The following ITFG2 variants were observed in gnomAD, a reference collection of about 807,000 sequenced individuals.
ITFG2 encodes the protein integrin alpha FG-GAP repeat containing 2.
In ITFG2, 36 loss-of-function variants were observed where a neutral mutation model predicts 54.4. The observed-to-expected ratio is 0.66, with a 90% CI of 0.51 to 0.87. The LOEUF is 0.87. ITFG2 is among the 40% of genes least tolerant of loss of function. ITFG2 has a pLI of 0.00. For missense variants in ITFG2, 524 were observed against 576.7 expected (o/e 0.91, Z 0.94); for synonymous variants, 211 against 225.4 (o/e 0.94, Z 0.57).
chr12:2,827,939 C>T (rs770140984), downstream of ITFG2: 62 of 1,613,982 alleles, frequency 3.8e-5, no homozygotes, highest in Admixed American at 3.7e-4. This position sits in a 1 kb window ranked among gnomAD's most constrained non-coding sequence, Gnocchi z 4.0. Flanking sequence ...CCACCTGTGC[C>T]GAGCACACCA....
intron 2 of ITFG2, among the ~76,000 whole-genome samples, chr12:2,851,455 G>GC (rs2098070644): frequency 6.6e-6 from 1 of 152,036 alleles, no homozygotes; most frequent in African/African-American, 2.4e-5. Context: ...CGATTCTCCT[G>GC]CCTCAGCCTC....
rs769703735 is a variant in ITFG2, at chr12:2,845,367, A to T, written n.300+4372A>T. ...CAACCCTGGCAGGGCATGACTGGCA[A>T]CGTGGGTGGCCCTGTATGGTCCCCC... On this transcript the variant is annotated intron_variant and non_coding_transcript_variant, in intron 2 of 3. Coordinates refer to the ITFG2 transcript ENST00000537710. The surrounding 1 kb of genome is among the most constrained non-coding windows in gnomAD (Gnocchi z 4.2). Among the ~76,000 whole-genome samples, 1 of 152,146 alleles carries T rather than the reference A, an allele frequency of 6.6e-6. No homozygotes were observed. Among genetic ancestry groups the T allele is most frequent in the Non-Finnish European group, 1.5e-5 (1 of 68,028 alleles).
At chr12:2,853,503 C>T (rs1433991549) in intron 2 of ITFG2, among the ~76,000 whole-genome samples, 1 of 152,150 alleles carries the variant, frequency 6.6e-6, no homozygotes, top group Non-Finnish European at 1.5e-5. Context: ...GAACTCCTGA[C>T]CTCAGGCGAT....
At position 2,851,163 on chromosome 12, in the gene ITFG2, GA is replaced by G. The variant is rs538610845; in HGVS notation, n.301-6838del. Reference sequence around the variant, plus strand: ...GGGCGACAAGAGCGAAACTCCATCTGAAAAAAAAAAATTAAAGATTTAAAGA... The same window carrying G: ...GGGCGACAAGAGCGAAACTCCATCTGAAAAAAAAAATTAAAGATTTAAAGA... On this transcript the variant is annotated intron_variant and non_coding_transcript_variant, in intron 2 of 3. Coordinates refer to the ITFG2 transcript ENST00000537710. Among the ~76,000 whole-genome samples the G allele has an allele frequency of 1.4e-3, 206 of 143,830 alleles. 1 individual carries two copies. The highest frequency in any genetic ancestry group is 7.2e-3 in the Middle Eastern group (2 of 276). 94.4% of individuals were successfully genotyped at this position (143,830 alleles called of 152,430 possible). A position where few individuals can be genotyped will look rare whatever the true frequency, so the allele number is the denominator to read the frequency against.
At chr12:2,848,399 A>T (rs1052424956) in intron 2 of ITFG2, among the ~76,000 whole-genome samples, 1 of 152,088 alleles carries the variant, frequency 6.6e-6, no homozygotes, top group Non-Finnish European at 1.5e-5. Context: ...GCCTGCCTCT[A>T]CTTTACCCCT....
At chr12:2,815,119 C>T (rs959950474) in intron 1 of ITFG2, among the ~76,000 whole-genome samples, 9 of 152,146 alleles carry the variant, frequency 5.9e-5, no homozygotes, top group African/African-American at 1.4e-4. Context: ...GCTGGGATTA[C>T]AGGCGTGAGC....
At chr12:2,822,965 G>A (rs2097950719) in intron 10 of ITFG2, 54 bp downstream of exon 10, 2 of 1,344,336 alleles carry the variant, frequency 1.5e-6, no homozygotes, top group South Asian at 1.2e-5. Flanking sequence ...AGATAGGCGT[G>A]TTAGGCATGC....
chr12:2,818,517 G>C, intron 4 of ITFG2: 1 of 639,820 alleles, frequency 1.6e-6, no homozygotes, highest in Non-Finnish European at 2.5e-6. Flanking sequence ...AACAATATAG[G>C]CTAGGTGTGC....
intron 2 of ITFG2, among the ~76,000 whole-genome samples, chr12:2,851,099 A>G (rs2098069453): frequency 6.8e-6 from 1 of 147,086 alleles, no homozygotes; most frequent in Non-Finnish European, 1.5e-5. Flanking sequence ...CCCAGGAGGC[A>G]GTGAGCAGTG....
intron 2 of ITFG2, 76 bp downstream of exon 2, chr12:2,817,394 C>A: frequency 3.1e-6 from 3 of 952,942 alleles, no homozygotes; most frequent in Non-Finnish European, 4.9e-6. Context: ...GTGAGCCCCA[C>A]ACAGGTGCTC....
chr12:2,859,199 G>T, intron 3 of ITFG2: 1 of 1,611,646 alleles, frequency 6.2e-7, no homozygotes. Flanking sequence ...AGTCTGCTGG[G>T]AACGGGAGCT....
intron 2 of ITFG2, chr12:2,848,985 T>G: frequency 2.0e-6 from 1 of 493,336 alleles, no homozygotes; most frequent in Non-Finnish European, 3.6e-6. Flanking sequence ...CCCAGCCTCC[T>G]GGCCGCAGTC....
chr12:2,851,819 C>T (rs2098072036), intron 2 of ITFG2, among the ~76,000 whole-genome samples: 1 of 152,112 alleles, frequency 6.6e-6, no homozygotes, highest in Non-Finnish European at 1.5e-5. Context: ...GCTGGGATTA[C>T]AGGCATGTGC....
Position 2,817,371 on chromosome 12 carries a change from G to A in ITFG2, c.192+53G>A. Reference sequence around the variant, plus strand: ...GGGGGGAAGGGATCCCTTCTGTCCAGGGACCACCTAGGGTGAGCCCCACAC... The same window carrying A: ...GGGGGGAAGGGATCCCTTCTGTCCAAGGACCACCTAGGGTGAGCCCCACAC... On this transcript the variant is annotated intron_variant, in intron 2 of 11. Transcript: ENST00000228799. 6.0e-6 allele frequency: 8 copies of A among 1,326,330 alleles called. No homozygotes were observed. In the South Asian group the frequency reaches 9.7e-5, roughly 16 times the overall value. The allele number at this position is 1,326,330 out of a possible 1,614,324, so 82.2% of individuals were successfully genotyped here. A position where few individuals can be genotyped will look rare whatever the true frequency, so the allele number is the denominator to read the frequency against.
At chr12:2,854,858 G>T in intron 2 of ITFG2, 1 of 1,503,622 alleles carries the variant, frequency 6.7e-7, no homozygotes, top group East Asian at 2.5e-5. Flanking sequence ...CCTGGGCAGG[G>T]CAGGCTGGGT....
chr12:2,855,257 C>T (rs1171126116), intron 2 of ITFG2: 22 of 1,511,228 alleles, frequency 1.5e-5, no homozygotes, highest in Non-Finnish European at 1.9e-5. Context: ...TGCTGGGCGC[C>T]ACCCTTCCAA....
At position 2,852,557 on chromosome 12, in the gene ITFG2, G is replaced by A. The variant is rs116763777; in HGVS notation, n.301-5455G>A. ...AATTTTTTGATATTTTTGTGGAGACGGGGTCTCATATGGTGCCCCAGGCTG... is the reference window on the plus strand; with the variant it reads ...AATTTTTTGATATTTTTGTGGAGACAGGGTCTCATATGGTGCCCCAGGCTG... On this transcript the variant is annotated intron_variant and non_coding_transcript_variant, in intron 2 of 3. Coordinates refer to the ITFG2 transcript ENST00000537710. Among the ~76,000 whole-genome samples the A allele has an allele frequency of 7.4e-3, 1,132 of 152,042 alleles. 24 individuals are homozygous for A. The highest frequency in any genetic ancestry group is 0.025 in the African/African-American group (1,027 of 41,470).
chr12:2,853,975 G>A (rs1018578946), intron 2 of ITFG2, among the ~76,000 whole-genome samples: 2 of 152,144 alleles, frequency 1.3e-5, no homozygotes, highest in South Asian at 2.1e-4. Flanking sequence ...ACTCCAGGTC[G>A]CTGCACCCCT....
chr12:2,820,420 A>G (rs191657317), intron 5 of ITFG2, among the ~76,000 whole-genome samples, 195 bp downstream of exon 5: 6 of 152,272 alleles, frequency 3.9e-5, no homozygotes, highest in Admixed American at 1.3e-4. Flanking sequence ...AGAGAAGGGC[A>G]TGTTGGGCTA....
Sources: gnomAD v4.1 joint callset for allele counts (sites outside exome capture counted in the v4.1 genomes callset) on GRCh38, gnomAD v4.1.1 for gene constraint, Gnocchi (gnomAD v3.1) non-coding constraint, MANE v1.5 for transcripts, NCBI Gene and HGNC (gene_info 2026-07-23, HGNC 2026-07-21) for gene names.